Variants in KRT34 observed in about 807,000 individuals in gnomAD.
The protein encoded by KRT34 is keratin 34.
In KRT34, 31 loss-of-function variants were observed where a neutral mutation model predicts 41.7. That is an observed-to-expected ratio of 0.74 (90% CI 0.56 to 1.00). KRT34 has a LOEUF of 1.00. Ranked by LOEUF, KRT34 falls within the 50% of genes least tolerant of loss-of-function variation. KRT34 has a pLI of 0.00. For synonymous variants in KRT34, 224 were observed against 212.9 expected (o/e 1.05, Z -0.45); for missense variants, 523 against 500.3 (o/e 1.05, Z -0.43).
At position 41,379,560 on chromosome 17, in the gene KRT34, A is replaced by T. The variant is rs1282867873; in HGVS notation, c.750+10T>A. On this transcript the variant is annotated intron_variant, in intron 4 of 6. Coordinates refer to ENST00000394001, the MANE Select transcript of KRT34 (RefSeq NM_001386014.1). ...TCGGGTCCTGAGTGGCCATGTGCTTAGATGCCCACCTGCGTGGCGAACCAT... is the reference window on the plus strand; with the variant it reads ...TCGGGTCCTGAGTGGCCATGTGCTTTGATGCCCACCTGCGTGGCGAACCAT... 1.2e-6 allele frequency: 2 copies of T among 1,613,938 alleles called. No homozygotes were observed. Among genetic ancestry groups the T allele is most frequent in the African/African-American group, 2.7e-5 (2 of 75,054 alleles).
At chr17:41,378,835 T>A (rs2017903365) in intron 6 of KRT34, 121 bp downstream of exon 6, 3 of 1,376,094 alleles carry the variant, frequency 2.2e-6, no homozygotes, top group Non-Finnish European at 3.0e-6. Context: ...CACAGATCAC[T>A]GGACACATGC....
In KRT34 at chr17:41,382,157, G is replaced by C. The variant is rs1436126093; in HGVS notation, c.90C>G (p.Thr30=). The stretch of plus-strand genomic sequence containing the variant: ...CGGGGATGTTGCAGGCCCCAGGCAG[G>C]GTGTAGCCGTGGCAGCTGGGGGGCA... The part of the protein sequence containing the change: ...PCVPPSCHGY[T]LPGACNIPAN... The change falls in exon 1 of 7, where the codon ACC becomes ACG. Residue 30 remains threonine, a synonymous_variant. Transcript: ENST00000394001. The C allele has an allele frequency of 3.1e-6, 5 of 1,612,414 alleles. No individual in the cohort carries two copies. In the African/African-American group the frequency reaches 5.3e-5, roughly 17 times the overall value.
intron 6 of KRT34, 66 bp from the exon 7 acceptor site, chr17:41,378,212 T>C (rs2017882137): frequency 1.0e-6 from 1 of 993,772 alleles, no homozygotes; most frequent in Admixed American, 1.8e-5. Context: ...TACCTTGGGC[T>C]TAATGACACA....
At position 41,381,772 on chromosome 17, in the gene KRT34, A is replaced by C; in HGVS notation, c.372T>G (p.Asn124Lys). 1 of 1,614,232 alleles carries C rather than the reference A, an allele frequency of 6.2e-7. No individual in the cohort carries two copies. The highest frequency in any genetic ancestry group is 1.1e-5 in the South Asian group (1 of 91,080). Reference sequence around the variant, plus strand: ...TGTCAATGTTCACCACCAGCCTGGCATTCTCAGCCTTGGCACACAGAATCT... The same window carrying C: ...TGTCAATGTTCACCACCAGCCTGGCCTTCTCAGCCTTGGCACACAGAATCT... ...QQKILCAKAE[N>K]ARLVVNIDNA... The change falls in exon 2 of 7, where the codon AAT (asparagine) becomes AAG (lysine). Residue 124 changes from asparagine to lysine, a missense_variant. Coordinates refer to ENST00000394001, the MANE Select transcript of KRT34 (RefSeq NM_001386014.1).
At chr17:41,378,171 T>A in intron 6 of KRT34, 25 bp from the exon 7 acceptor site, 1 of 1,545,888 alleles carries the variant, frequency 6.5e-7, no homozygotes, top group Non-Finnish European at 8.9e-7. Context: ...AGGTTTAGAA[T>A]GGCTTTAGGA....
At chr17:41,382,796 G>C (rs569248162), upstream of KRT34, among the ~76,000 whole-genome samples, 1 of 152,086 alleles carries the variant, frequency 6.6e-6, no homozygotes, top group African/African-American at 2.4e-5. Context: ...ACCTGTATTC[G>C]CCGAAATGAT....
chr17:41,380,838 C>T (rs1485636505), intron 3 of KRT34, among the ~76,000 whole-genome samples: 1 of 152,172 alleles, frequency 6.6e-6, no homozygotes, highest in Non-Finnish European at 1.5e-5. Flanking sequence ...TGATGTCCCT[C>T]CTCAGTAATT....
chr17:41,383,564 C>T (rs1269929850), upstream of KRT34, among the ~76,000 whole-genome samples: 6 of 152,120 alleles, frequency 3.9e-5, no homozygotes, highest in Admixed American at 3.9e-4. Flanking sequence ...CAGATGGCAG[C>T]ACTGAAGCAT....
Position 41,378,011 on chromosome 17 carries a change from G to A in KRT34, c.*48C>T. 1.4e-6 allele frequency: 2 copies of A among 1,399,908 alleles called. No individual in the cohort carries two copies. The highest frequency in any genetic ancestry group is 1.2e-5 in the South Asian group (1 of 85,400). 86.7% of individuals were successfully genotyped at this position (1,399,908 alleles called of 1,614,324 possible). ...TCAGGACTTGAGGATCCTTCCTGTG[G>A]TTGATCTAAATGGCTTTGTAGATGT... On this transcript the variant is annotated 3_prime_UTR_variant, in exon 7 of 7. Transcript: ENST00000394001.
Position 41,382,247 on chromosome 17 carries a change from G to A in KRT34, c.-1C>T, listed in dbSNP as rs772334334. 126 of 1,612,740 alleles carry A rather than the reference G, an allele frequency of 7.8e-5. 1 individual carries two copies. Among genetic ancestry groups the A allele is most frequent in the Non-Finnish European group, 9.7e-5 (114 of 1,180,044 alleles). ...TGGGCAGGCAACAACTGTAAGACATGGTGCTGGAACAGGTAATGGAAAAGC... is the reference window on the plus strand; with the variant it reads ...TGGGCAGGCAACAACTGTAAGACATAGTGCTGGAACAGGTAATGGAAAAGC... On this transcript the variant is annotated 5_prime_UTR_variant, in exon 1 of 7. Coordinates refer to ENST00000394001, the MANE Select transcript of KRT34 (RefSeq NM_001386014.1).
rs753068161 is a variant in KRT34, at chr17:41,381,218, C to A, written c.432-6G>T. 3.1e-6 allele frequency: 5 copies of A among 1,611,720 alleles called. No individual in the cohort carries two copies. The highest frequency in any genetic ancestry group is 4.2e-6 in the Non-Finnish European group (5 of 1,178,590). On this transcript the variant is annotated splice_polypyrimidine_tract_variant and splice_region_variant and intron_variant, in intron 2 of 6. Coordinates refer to ENST00000394001, the MANE Select transcript of KRT34 (RefSeq NM_001386014.1). Reference sequence around the variant, plus strand: ...GGGACTGCTCCGTCTGGTACCTGCACGTGTCGGAGTGGGAGGATAAGTCAG... The same window carrying A: ...GGGACTGCTCCGTCTGGTACCTGCAAGTGTCGGAGTGGGAGGATAAGTCAG...
chr17:41,380,434 C>T (rs1025620253), intron 3 of KRT34, among the ~76,000 whole-genome samples: 2 of 152,178 alleles, frequency 1.3e-5, no homozygotes, highest in Admixed American at 1.3e-4. Context: ...TCCTTCCTCG[C>T]TTCCCATCAC....
rs527688864 is a variant in KRT34 at position 41,381,464 on chromosome 17, C to T, written c.431+249G>A. ...TTCTCGGTTTTGTTAGCTAATATAC[C>T]ACCAAATCAATTCCCAAAGAACAAT... On this transcript the variant is annotated intron_variant, in intron 2 of 6. Coordinates refer to ENST00000394001, the MANE Select transcript of KRT34 (RefSeq NM_001386014.1). Among the ~76,000 whole-genome samples the T allele has an allele frequency of 1.8e-4, 28 of 152,260 alleles. 1 individual carries two copies. The South Asian group carries it at 5.4e-3, about 29-fold the overall frequency.
chr17:41,378,134 G>A lies in KRT34; in HGVS notation c.1110C>T (p.Asn370=). 1.2e-6 allele frequency: 2 copies of A among 1,613,644 alleles called. No homozygotes were observed. Among genetic ancestry groups the A allele is most frequent in the Non-Finnish European group, 8.5e-7 (1 of 1,179,630 alleles). The change falls in exon 7 of 7, where the codon AAC becomes AAT. Residue 370 remains asparagine, a synonymous_variant. Transcript: ENST00000394001. ...CACTAGCATTGGTGGTGGCGCATGG[G>A]TTGCAGGGGAGCCTAGGAGGACAAG... The part of the protein sequence containing the change: ...LESEDCKLPC[N]PCATTNASGN...
chr17:41,383,269 G>C (rs111645309), upstream of KRT34, among the ~76,000 whole-genome samples: 4 of 152,036 alleles, frequency 2.6e-5, no homozygotes, highest in East Asian at 1.9e-4. Flanking sequence ...CGCCCGCCTC[G>C]GCCTCCCAAA....
In KRT34 at chr17:41,379,721, G is replaced by A. The variant is rs776698534; in HGVS notation, c.599C>T (p.Thr200Ile). The change falls in exon 4 of 7, where the codon ACC becomes ATC. Residue 200 changes from threonine to isoleucine, a missense_variant. Transcript: ENST00000394001. ...LKKNHEEEVN[T>I]LRSQLGDRLN... Reference sequence around the variant, plus strand: ...GCGGTCTCCAAGCTGGGAGCGCAGGGTGTTAACCTCCTGTTGGAGAAAAGG... The same window carrying A: ...GCGGTCTCCAAGCTGGGAGCGCAGGATGTTAACCTCCTGTTGGAGAAAAGG... 2.5e-6 allele frequency: 4 copies of A among 1,601,040 alleles called. No individual in the cohort carries two copies. The South Asian group carries it at 4.5e-5, about 18-fold the overall frequency.
rs759197812 is a variant in KRT34 at position 41,379,071 on chromosome 17, T to C, written c.982A>G (p.Ile328Val). 2.5e-6 allele frequency: 4 copies of C among 1,614,188 alleles called. No individual in the cohort carries two copies. The East Asian group carries it at 6.7e-5, about 27-fold the overall frequency. ...ITNVESQLAE[I>V]RCDLERQNQE... ...TTCTGCCGCTCCAGGTCACAGCGGA[T>C]CTCTGCCAGCTGAGACTCCACGTTG... The change falls in exon 6 of 7, where the codon ATC becomes GTC. Residue 328 changes from isoleucine to valine, a missense_variant. Physicochemically the swap from Ile to Val is conservative, Grantham distance 29. Transcript: ENST00000394001.
rs766005733 is a variant in KRT34, at chr17:41,381,790, C to G, written c.354G>C (p.Leu118=). The G allele has an allele frequency of 1.7e-5, 27 of 1,614,106 alleles. No homozygotes were observed. The highest frequency in any genetic ancestry group is 5.9e-6 in the Non-Finnish European group (7 of 1,180,040). ...KTIEELQQKI[L]CAKAENARLV... is the part of the protein sequence containing the mutation. ...GCCTGGCATTCTCAGCCTTGGCACA[C>G]AGAATCTGAAAAGAAATTTCTCTCA... The change falls in exon 2 of 7, where the codon CTG becomes CTC. Residue 118 remains leucine, a synonymous_variant. Coordinates refer to ENST00000394001, the MANE Select transcript of KRT34 (RefSeq NM_001386014.1).
upstream of KRT34, among the ~76,000 whole-genome samples, chr17:41,383,167 C>T (rs1271846671): frequency 1.3e-5 from 2 of 151,966 alleles, no homozygotes; most frequent in African/African-American, 2.4e-5. Flanking sequence ...TACAGGTGCC[C>T]GCCACCACAC....
Sources: gnomAD v4.1 joint callset for allele counts (sites outside exome capture counted in the v4.1 genomes callset) on GRCh38, gnomAD v4.1.1 for gene constraint, MANE v1.5 for transcripts, NCBI Gene and HGNC (gene_info 2026-07-23, HGNC 2026-07-21) for gene names.